Variants in C1orf50 observed in about 807,000 individuals in gnomAD.
C1orf50 encodes uncharacterized protein C1orf50.
A neutral mutation model predicts 23.3 loss-of-function variants in C1orf50; 22 were observed. The ratio of observed to expected loss-of-function variants is 0.94; its 90% CI spans 0.67 to 1.35. C1orf50 has a LOEUF of 1.35. C1orf50 is among the 40% of genes most tolerant of loss of function. The pLI is 0.00. For missense variants in C1orf50, 271 were observed against 249.4 expected (o/e 1.09, Z -0.58); for synonymous variants, 96 against 102.4 (o/e 0.94, Z 0.38).
At position 42,767,305 on chromosome 1, in the gene C1orf50, C is replaced by T. The variant is rs994541068; in HGVS notation, c.-7C>T. The T allele has an allele frequency of 8.0e-6, 12 of 1,501,038 alleles. No individual in the cohort carries two copies. The highest frequency in any genetic ancestry group is 9.7e-6 in the Non-Finnish European group (11 of 1,130,814). 93.0% of individuals were successfully genotyped at this position (1,501,038 alleles called of 1,614,324 possible). A position where few individuals can be genotyped will look rare whatever the true frequency, so the allele number is the denominator to read the frequency against. ...AGCCCAGGGAGTGGGGAGGATAAGG[C>T]GCTGTCATGGAGGACGCCGCCGCGC... On this transcript the variant is annotated 5_prime_UTR_variant, in exon 1 of 5. Coordinates refer to ENST00000372525, the MANE Select transcript of C1orf50 (RefSeq NM_024097.4).
rs566373475 is a variant in C1orf50 at position 42,774,132 on chromosome 1, G to A, written c.282+483G>A. Among the ~76,000 whole-genome samples, 6 of 152,314 alleles carry A rather than the reference G, an allele frequency of 3.9e-5. 1 individual carries two copies. Among genetic ancestry groups the A allele is most frequent in the African/African-American group, 1.4e-4 (6 of 41,566 alleles). On this transcript the variant is annotated intron_variant, in intron 3 of 4. Transcript: ENST00000372525. ...GTTTCATGAGGTAAAGCATTTAACA[G>A]GGGATTATGTTTTCATTTATAAAAG...
rs768733526 is a variant in C1orf50, at chr1:42,775,302, G to C, written c.508G>C (p.Asp170His). The C allele has an allele frequency of 5.0e-6, 8 of 1,613,354 alleles. No individual in the cohort carries two copies. In the South Asian group the frequency reaches 5.5e-5, roughly 11 times the overall value. ...TCCGTATGAGGACATTGAGAAGCAA[G>C]ATGCTAAAATCAGCATGATGGACAC... Reference protein sequence around the residue: ...WTPYEDIEKQDAKISMMDTLL... With the variant: ...WTPYEDIEKQHAKISMMDTLL... The change falls in exon 5 of 5, where the codon GAT becomes CAT. Residue 170 changes from aspartate (D) to histidine (H), a missense_variant. Coordinates refer to ENST00000372525, the MANE Select transcript of C1orf50 (RefSeq NM_024097.4).
rs1276615293 is a variant in C1orf50, at chr1:42,776,693, T to G, written c.*1299T>G. The G allele has an allele frequency of 2.6e-5, 4 of 152,240 alleles. No individual in the cohort carries two copies. Among genetic ancestry groups the G allele is most frequent in the Non-Finnish European group, 5.9e-5 (4 of 68,066 alleles). 9.4% of individuals were successfully genotyped at this position (152,240 alleles called of 1,614,324 possible). On this transcript the variant is annotated 3_prime_UTR_variant, in exon 5 of 5. Coordinates refer to ENST00000372525, the MANE Select transcript of C1orf50 (RefSeq NM_024097.4). ...ATGATACTTGGTTGCTCGGTTCACATGGGAATGCTCTTTGGACTCAGCTGC... is the reference window on the plus strand; with the variant it reads ...ATGATACTTGGTTGCTCGGTTCACAGGGGAATGCTCTTTGGACTCAGCTGC...
At chr1:42,771,842 G>A (rs967777929) in intron 2 of C1orf50, among the ~76,000 whole-genome samples, 1 of 152,046 alleles carries the variant, frequency 6.6e-6, no homozygotes, top group East Asian at 1.9e-4. Context: ...GCGGGGCATG[G>A]TGACGCATGC....
chr1:42,774,526 A>G (rs1278576870), intron 3 of C1orf50, among the ~76,000 whole-genome samples: 1 of 152,222 alleles, frequency 6.6e-6, no homozygotes, highest in Non-Finnish European at 1.5e-5. Context: ...CCTGGCTTGA[A>G]ATATAATTTT....
intron 2 of C1orf50, chr1:42,769,655 A>G (rs923330239): frequency 6.6e-6 from 1 of 151,716 alleles, no homozygotes; most frequent in Non-Finnish European, 1.5e-5. Flanking sequence ...CAGCCTGGCC[A>G]ACATAGTGAA....
intron 2 of C1orf50, 115 bp downstream of exon 2, chr1:42,767,739 C>A: frequency 2.1e-6 from 2 of 932,170 alleles, no homozygotes; most frequent in African/African-American, 3.3e-5. Flanking sequence ...CTCTTGTCTC[C>A]ATTTTACAGA....
chr1:42,771,127 C>G (rs1653212045), intron 2 of C1orf50, among the ~76,000 whole-genome samples: 1 of 152,140 alleles, frequency 6.6e-6, no homozygotes, highest in South Asian at 2.1e-4. Context: ...TATCTTTAAC[C>G]TGCTTCTACG....
chr1:42,774,621 A>T (rs1448251515), intron 3 of C1orf50, 116 bp from the exon 4 acceptor site: 1 of 1,118,366 alleles, frequency 8.9e-7, no homozygotes, highest in Non-Finnish European at 1.3e-6. Flanking sequence ...ATTCATTGCT[A>T]TGGGGGAGCA....
intron 2 of C1orf50, among the ~76,000 whole-genome samples, chr1:42,769,283 C>T (rs1434922185): frequency 1.3e-5 from 2 of 151,968 alleles, no homozygotes; most frequent in African/African-American, 2.4e-5. Context: ...TGGTGGCTCA[C>T]GCCTGTAATC....
intron 2 of C1orf50, among the ~76,000 whole-genome samples, chr1:42,772,780 GA>G (rs10715539): frequency 0.66 from 98,786 of 149,828 alleles, 32,607 homozygotes; most frequent in South Asian, 0.82. Flanking sequence ...AAAACTGTCT[GA>G]AAAAAAAAAA....
In C1orf50 at chr1:42,767,375, G is replaced by C. The variant is rs1360368099; in HGVS notation, c.64G>C (p.Ala22Pro). ...CCTTGAAAGGCAAGGAGCGCCGCCA[G>C]CTGCAGGCCAGGGAGGTATGCGGGG... ...GVLERQGAPP[A>P]AGQGGALVEL... The change falls in exon 1 of 5, where the codon GCT becomes CCT. Residue 22 changes from alanine to proline, a missense_variant. Coordinates refer to ENST00000372525, the MANE Select transcript of C1orf50 (RefSeq NM_024097.4). The C allele has an allele frequency of 4.6e-6, 7 of 1,538,160 alleles. No individual in the cohort carries two copies. In the African/African-American group the frequency reaches 5.5e-5, roughly 12 times the overall value.
Position 42,767,266 on chromosome 1 carries a change from C to T in C1orf50, c.-46C>T, listed in dbSNP as rs1464686196. 7 of 1,464,548 alleles carry T rather than the reference C, an allele frequency of 4.8e-6. No homozygotes were observed. In the African/African-American group the frequency reaches 5.7e-5, roughly 12 times the overall value. The allele number at this position is 1,464,548 out of a possible 1,614,324, so 90.7% of individuals were successfully genotyped here. A position where few individuals can be genotyped will look rare whatever the true frequency, so the allele number is the denominator to read the frequency against. ...GCCCACGCGCCTTTATGCGCAGGCT[C>T]TTCCTACTCGCACAGCCCAGGGAGT... On this transcript the variant is annotated 5_prime_UTR_variant, in exon 1 of 5. Transcript: ENST00000372525.
At chr1:42,773,465 CA>C (rs992606180) in intron 2 of C1orf50, 97 bp from the exon 3 acceptor site, 83 of 740,074 alleles carry the variant, frequency 1.1e-4, no homozygotes, top group Non-Finnish European at 1.8e-4. Flanking sequence ...ATATTTTAGG[CA>C]GAAGCAAAAT....
rs1182482574 is a variant in C1orf50 at position 42,767,597 on chromosome 1, C to A, written c.168C>A (p.Leu56=). The A allele has an allele frequency of 1.2e-6, 2 of 1,611,776 alleles. No homozygotes were observed. The highest frequency in any genetic ancestry group is 3.3e-5 in the Admixed American group (2 of 59,850). ...HTHRAGDPLD[L]VALAEQVQKA... is the part of the protein sequence containing the mutation. ...ACCGGGCCGGGGACCCCTTAGACCT[C>A]GTGGCGCTCGCAGAGCAGGTGCAGA... The change falls in exon 2 of 5, where the codon CTC becomes CTA. Residue 56 remains leucine (L), a synonymous_variant. Transcript: ENST00000372525.
At chr1:42,770,437 T>C (rs1017672426) in intron 2 of C1orf50, among the ~76,000 whole-genome samples, 1 of 147,272 alleles carries the variant, frequency 6.8e-6, no homozygotes, top group African/African-American at 2.5e-5. Flanking sequence ...CTTTCTTTCT[T>C]TTTTTTTTTT....
In C1orf50 at chr1:42,777,894, A is replaced by G. The variant is rs1204627871; in HGVS notation, c.*2500A>G. The G allele has an allele frequency of 3.3e-5, 5 of 151,812 alleles. No individual in the cohort carries two copies. Among genetic ancestry groups the G allele is most frequent in the African/African-American group, 4.8e-5 (2 of 41,250 alleles). The allele number at this position is 151,812 out of a possible 1,614,324, so 9.4% of individuals were successfully genotyped here. Reference sequence around the variant, plus strand: ...TGCTTCCCCCTCTGTCCCCTCTCCAATCCATTCTGCATGCAGTCATCAGCT... The same window carrying G: ...TGCTTCCCCCTCTGTCCCCTCTCCAGTCCATTCTGCATGCAGTCATCAGCT... On this transcript the variant is annotated 3_prime_UTR_variant, in exon 5 of 5. Coordinates refer to ENST00000372525, the MANE Select transcript of C1orf50 (RefSeq NM_024097.4).
At chr1:42,767,753 G>A in intron 2 of C1orf50, 129 bp downstream of exon 2, 1 of 816,372 alleles carries the variant, frequency 1.2e-6, no homozygotes, top group Non-Finnish European at 1.9e-6. Context: ...TTACAGACGA[G>A]TAAAGCCGAC....
chr1:42,767,700 A>C, intron 2 of C1orf50, 76 bp downstream of exon 2: 12 of 1,309,566 alleles, frequency 9.2e-6, no homozygotes, highest in Non-Finnish European at 1.2e-5. Context: ...CTCAGACCTC[A>C]CTACCACCTA....
Sources: allele counts gnomAD v4.1 joint callset (sites outside exome capture counted in the v4.1 genomes callset), GRCh38; gene constraint gnomAD v4.1.1; transcripts MANE v1.5; gene names NCBI Gene and HGNC (gene_info 2026-07-23, HGNC 2026-07-21).